Variants in GARNL3 observed in about 807,000 individuals in gnomAD.
GARNL3 encodes the protein GTPase activating Rap/RanGAP domain like 3.
In GARNL3, 63 loss-of-function variants were observed where a neutral mutation model predicts 125.0. The ratio of observed to expected loss-of-function variants is 0.50; its 90% confidence interval spans 0.41 to 0.62. The LOEUF is 0.62. Among genes scored for constraint, GARNL3 ranks in the 20% least tolerant of loss-of-function variants. The probability of loss-of-function intolerance (pLI) is 0.00; values close to 1 mark genes in which losing one functional copy is unlikely to be tolerated. For synonymous variants in GARNL3, 439 were observed against 457.5 expected, an observed-to-expected ratio of 0.96 and a Z score of 0.52; for missense variants, 994 against 1,244.0, an observed-to-expected ratio of 0.80 and a Z score of 3.02.
Position 127,393,453 on chromosome 9 carries a change from A to G in GARNL3, c.*199A>G. Reference sequence around the variant, plus strand: ...TGACCTTTGTTTCTTTCTGTTCAGGAACCATCAGTCCCCTTGTAATAAAGG... The same window carrying G: ...TGACCTTTGTTTCTTTCTGTTCAGGGACCATCAGTCCCCTTGTAATAAAGG... On this transcript the variant is annotated 3_prime_UTR_variant, in exon 28 of 28. Transcript: ENST00000373387. 1 of 419,140 alleles carries G rather than the reference A, an allele frequency of 2.4e-6. No homozygotes were observed. Among genetic ancestry groups the G allele is most frequent in the Non-Finnish European group, 4.3e-6 (1 of 233,008 alleles). 26.0% of individuals were successfully genotyped at this position (419,140 alleles called of 1,614,324 possible). A position where few individuals can be genotyped will look rare whatever the true frequency, so the allele number is the denominator to read the frequency against.
chr9:127,378,587 C>A (rs1470396601), intron 22 of GARNL3, among the ~76,000 whole-genome samples: 362 of 103,914 alleles, frequency 3.5e-3, no homozygotes, highest in African/African-American at 4.1e-3. Context: ...AACTCCGTCA[C>A]AAAAAAAAAA....
chr9:127,226,912 G>C (rs1414295217), intron 1 of GARNL3, among the ~76,000 whole-genome samples: 1 of 152,232 alleles, frequency 6.6e-6, no homozygotes, highest in Non-Finnish European at 1.5e-5. Context: ...CAGGCCTGAA[G>C]TGGAATGCAT....
At chr9:127,226,018 C>T (rs986044960) in intron 1 of GARNL3, among the ~76,000 whole-genome samples, 2 of 152,228 alleles carry the variant, frequency 1.3e-5, no homozygotes, top group African/African-American at 4.8e-5. Context: ...CTCAAGTCGG[C>T]CCTACCATTT....
chr9:127,389,031 C>T lies in GARNL3; in HGVS notation c.2655C>T (p.Gly885=), dbSNP rs1450689061. The T allele has an allele frequency of 1.9e-6, 3 of 1,613,966 alleles. No individual in the cohort carries two copies. Among genetic ancestry groups the T allele is most frequent in the Non-Finnish European group, 2.5e-6 (3 of 1,179,826 alleles). The part of the protein sequence containing the change: ...VITPPTPISV[G]LAAIPVTHSL... ...CCCCACCCACTCCCATCAGTGTGGG[C>T]CTTGCTGCCATTCCAGTCACGCACT... is the stretch of plus-strand genomic sequence containing the variant. Residue 885 remains glycine (G), a synonymous_variant, in exon 26 of 28, where the codon GGC becomes GGT. Coordinates refer to ENST00000373387, the MANE Select transcript of GARNL3 (RefSeq NM_032293.5).
At chr9:127,342,387 C>T (rs1421560754) in intron 14 of GARNL3, 53 bp downstream of exon 14, 1 of 1,175,346 alleles carries the variant, frequency 8.5e-7, no homozygotes, top group Non-Finnish European at 1.3e-6. Flanking sequence ...GAGTTGAGAA[C>T]ACAAGTCCTC....
intron 1 of GARNL3, among the ~76,000 whole-genome samples, chr9:127,277,968 T>C (rs2064000673): frequency 6.6e-6 from 1 of 152,216 alleles, no homozygotes; most frequent in Non-Finnish European, 1.5e-5. Flanking sequence ...TCCCCAGCAG[T>C]ACTTGGCTCA....
intron 22 of GARNL3, among the ~76,000 whole-genome samples, chr9:127,368,265 G>C (rs1831398575): frequency 6.6e-6 from 1 of 151,680 alleles, no homozygotes. Context: ...TCTGATGAGA[G>C]GACAGCAGTG....
In GARNL3 at chr9:127,243,140, C is replaced by T. The variant is rs776775295; in HGVS notation, c.34C>T (p.Gln12Ter). 1.5e-6 allele frequency: 2 copies of T among 1,365,678 alleles called. No individual in the cohort carries two copies. 84.6% of individuals were successfully genotyped at this position (1,365,678 alleles called of 1,614,324 possible). The change falls in exon 2 of 11, where the codon CAG (glutamine) becomes TAG (stop). Residue 12 changes from glutamine to a stop codon, truncating the protein, a stop_gained. Transcript: ENST00000439286. LOFTEE classifies it high-confidence loss of function. ...GTTAACGAAGGTGCCTTGTGGGAGT[C>T]AGATAGCACAAACCATTCTATGGAA...
intron 16 of GARNL3, among the ~76,000 whole-genome samples, chr9:127,346,178 A>G (rs1830129911): frequency 6.6e-6 from 1 of 152,188 alleles, no homozygotes; most frequent in East Asian, 1.9e-4. Flanking sequence ...AAAATACACA[A>G]ATTATATTAT....
intron 1 of GARNL3, among the ~76,000 whole-genome samples, chr9:127,227,007 T>G (rs2062925560): frequency 6.6e-6 from 1 of 152,258 alleles, no homozygotes; most frequent in East Asian, 1.9e-4. Flanking sequence ...TAGGCACCTG[T>G]GGCCATGCAG....
chr9:127,376,744 A>G (rs970525800), intron 22 of GARNL3, among the ~76,000 whole-genome samples: 1 of 152,202 alleles, frequency 6.6e-6, no homozygotes, highest in African/African-American at 2.4e-5. Flanking sequence ...AGTTGAAAAT[A>G]AATTCTTAAA....
At chr9:127,294,541 A>T (rs993911049) in intron 2 of GARNL3, among the ~76,000 whole-genome samples, 3 of 152,012 alleles carry the variant, frequency 2.0e-5, no homozygotes, top group Non-Finnish European at 4.4e-5. Context: ...TGACCTCATG[A>T]TCTGCCAGCC....
chr9:127,329,787 G>A (rs1158963584), intron 7 of GARNL3, among the ~76,000 whole-genome samples: 5 of 152,132 alleles, frequency 3.3e-5, no homozygotes, highest in Admixed American at 3.3e-4. Flanking sequence ...CTTAGTTCCA[G>A]CCATGCGCAA....
chr9:127,275,003 C>T (rs896308053), intron 1 of GARNL3, among the ~76,000 whole-genome samples: 3 of 152,204 alleles, frequency 2.0e-5, no homozygotes, highest in East Asian at 1.9e-4. Context: ...GTCGTGTGCC[C>T]GCCTCAACTT....
chr9:127,327,140 A>C (rs1008799143), intron 7 of GARNL3, among the ~76,000 whole-genome samples: 3 of 152,204 alleles, frequency 2.0e-5, no homozygotes, highest in Admixed American at 1.3e-4. Flanking sequence ...ATGTATATTC[A>C]TTCATTCATT....
intron 2 of GARNL3, among the ~76,000 whole-genome samples, chr9:127,309,267 G>A (rs545282139): frequency 3.6e-4 from 55 of 152,296 alleles, no homozygotes; most frequent in African/African-American, 1.3e-3. Context: ...TATCTCTGTA[G>A]CCTTGGGCAA....
intron 21 of GARNL3, among the ~76,000 whole-genome samples, chr9:127,358,466 A>G (rs748746479): frequency 1.3e-5 from 2 of 152,220 alleles, no homozygotes; most frequent in South Asian, 2.1e-4. Flanking sequence ...AGCTAAATCA[A>G]ACAGACTGCA....
At chr9:127,271,915 G>A (rs997457772) in intron 1 of GARNL3, among the ~76,000 whole-genome samples, 5 of 150,226 alleles carry the variant, frequency 3.3e-5, no homozygotes, top group Non-Finnish European at 7.4e-5. Context: ...GATGAGCCAC[G>A]TGCATGCTCC....
At chr9:127,316,356 A>G (rs947532816) in intron 4 of GARNL3, among the ~76,000 whole-genome samples, 1 of 152,158 alleles carries the variant, frequency 6.6e-6, no homozygotes, top group African/African-American at 2.4e-5. Flanking sequence ...AGCCTGGGCA[A>G]CATAGTGAGA....
Sources: gnomAD v4.1 joint callset for allele counts (sites outside exome capture counted in the v4.1 genomes callset) on GRCh38, gnomAD v4.1.1 for gene constraint, MANE v1.5 for transcripts, NCBI Gene and HGNC (gene_info 2026-07-23, HGNC 2026-07-21) for gene names.